DOCK10: variants seen among roughly 807,000 people sequenced by gnomAD.
DOCK10 encodes dedicator of cytokinesis 10.
A neutral mutation model predicts 280.1 loss-of-function variants in DOCK10; 145 were observed. The observed-to-expected ratio is 0.52, with a 90% CI of 0.45 to 0.59. The LOEUF (loss-of-function observed/expected upper bound fraction) is 0.59. DOCK10 is among the 20% of genes least tolerant of loss of function. DOCK10 has a pLI of 0.00. For synonymous variants in DOCK10, 915 were observed against 942.2 expected, an observed-to-expected ratio of 0.97 and a Z score of 0.53; for missense variants, 2,368 against 2,651.7, an observed-to-expected ratio of 0.89 and a Z score of 2.35.
At chr2:224,809,734 A>G (rs1693636477) in intron 31 of DOCK10, among the ~76,000 whole-genome samples, 1 of 152,100 alleles carries the variant, frequency 6.6e-6, no homozygotes, top group Non-Finnish European at 1.5e-5. Context: ...AGAAAAGGGA[A>G]TCCTTGTACA....
intron 1 of DOCK10, among the ~76,000 whole-genome samples, chr2:225,034,538 C>G (rs1350811108): frequency 2.0e-5 from 3 of 152,156 alleles, no homozygotes; most frequent in African/African-American, 7.2e-5. Context: ...ACAACCTGGA[C>G]ATTTAAAAGT....
chr2:224,896,815 A>G (rs1202925744), intron 3 of DOCK10, among the ~76,000 whole-genome samples: 1 of 152,252 alleles, frequency 6.6e-6, no homozygotes, highest in African/African-American at 2.4e-5. Flanking sequence ...TGTGAAAGCT[A>G]GCAACTTAAA....
At chr2:224,997,589 T>C (rs1478091436) in intron 1 of DOCK10, among the ~76,000 whole-genome samples, 2 of 152,150 alleles carry the variant, frequency 1.3e-5, no homozygotes, top group Non-Finnish European at 2.9e-5. Flanking sequence ...TGATCTTTGC[T>C]GCCCTCCTCT....
At chr2:224,992,497 G>T (rs1457574288) in intron 1 of DOCK10, among the ~76,000 whole-genome samples, 1 of 152,240 alleles carries the variant, frequency 6.6e-6, no homozygotes, top group Non-Finnish European at 1.5e-5. Context: ...GGTTTTGAAA[G>T]GAAACAGGGA....
rs138529327 is a variant in DOCK10 at position 224,842,001 on chromosome 2, C to T, written c.2569-105G>A. 3,048 of 796,748 alleles carry T rather than the reference C, an allele frequency of 3.8e-3. 11 individuals are homozygous for T. The highest frequency in any genetic ancestry group is 5.2e-3 in the Non-Finnish European group (2,441 of 471,862). 49.4% of individuals were successfully genotyped at this position (796,748 alleles called of 1,614,324 possible). ...AAGCATTTCTGTAGGATTGATGCCTCGAAGTGCAAATGCTTTATTAAGGAG... is the reference window on the plus strand; with the variant it reads ...AAGCATTTCTGTAGGATTGATGCCTTGAAGTGCAAATGCTTTATTAAGGAG... On this transcript the variant is annotated intron_variant, in intron 22 of 55. Transcript: ENST00000258390.
intron 24 of DOCK10, among the ~76,000 whole-genome samples, 179 bp downstream of exon 24, chr2:224,839,775 C>G (rs921205226): frequency 6.6e-6 from 1 of 152,138 alleles, no homozygotes; most frequent in Admixed American, 6.5e-5. Flanking sequence ...AGGTCTAACA[C>G]TTTACTACTA....
intron 50 of DOCK10, among the ~76,000 whole-genome samples, chr2:224,779,913 A>T (rs1416474241): frequency 6.6e-6 from 1 of 152,088 alleles, no homozygotes; most frequent in Non-Finnish European, 1.5e-5. Context: ...TGGGCTTTCT[A>T]AAGGTGGGAA....
intron 25 of DOCK10, among the ~76,000 whole-genome samples, chr2:224,834,998 C>T (rs180759721): frequency 5.7e-4 from 87 of 152,306 alleles, no homozygotes; most frequent in Non-Finnish European, 8.8e-4. Context: ...ATAATTTTCA[C>T]AATTCGGATT....
In DOCK10 at chr2:224,770,541, T is replaced by C. The variant is rs1344777266; in HGVS notation, c.6305+4A>G. 32 of 1,611,886 alleles carry C rather than the reference T, an allele frequency of 2.0e-5. No homozygotes were observed. The highest frequency in any genetic ancestry group is 2.7e-5 in the Non-Finnish European group (32 of 1,178,030). On this transcript the variant is annotated splice_donor_region_variant and intron_variant, in intron 54 of 55. Transcript: ENST00000258390. The surrounding 1 kb of genome is among the most constrained non-coding windows in gnomAD (Gnocchi z 4.5). ...GAAGAACATCCCAACAGCGAGAAGC[T>C]TACCTGAAGATCTCCTTCAAAAGCT...
chr2:224,831,313 T>C (rs565161819), intron 26 of DOCK10, among the ~76,000 whole-genome samples: 5 of 152,344 alleles, frequency 3.3e-5, no homozygotes, highest in African/African-American at 1.2e-4. Flanking sequence ...GAAGGTCATA[T>C]GTCTAGATAT....
rs148163803 is a variant in DOCK10 at position 224,791,218 on chromosome 2, C to T, written c.5311+1756G>A. Among the ~76,000 whole-genome samples the T allele has an allele frequency of 4.9e-4, 75 of 152,170 alleles. 2 individuals carry two copies. The highest frequency in any genetic ancestry group is 1.7e-3 in the African/African-American group (71 of 41,500). On this transcript the variant is annotated intron_variant, in intron 47 of 55. Coordinates refer to ENST00000258390, the MANE Select transcript of DOCK10 (RefSeq NM_014689.3). The stretch of plus-strand genomic sequence containing the variant: ...ATTTGAAAGTCTTTATGGAACGTTA[C>T]GGCATCTGGTTATGATAAGCAATAG...
chr2:224,895,832 C>T (rs2396150), intron 4 of DOCK10, among the ~76,000 whole-genome samples: 6,032 of 86,766 alleles, frequency 0.07, 309 homozygotes, highest in African/African-American at 0.28. Context: ...TGTGTGTGTG[C>T]GTGTGTGTGT....
intron 3 of DOCK10, among the ~76,000 whole-genome samples, chr2:224,909,963 AAAAAG>A (rs1326075959): frequency 2.6e-5 from 4 of 152,218 alleles, no homozygotes; most frequent in Admixed American, 1.3e-4. Flanking sequence ...GAAGATTAAA[AAAAAG>A]AAAAGAATGC....
intron 50 of DOCK10, among the ~76,000 whole-genome samples, chr2:224,785,647 A>C (rs1470284445): frequency 6.6e-6 from 1 of 151,772 alleles, no homozygotes; most frequent in East Asian, 2.0e-4. Context: ...CACCCGGCTA[A>C]TTTTTTGTAT....
rs1322455236 is a variant in DOCK10, at chr2:224,804,788, T to G, written c.4166+6A>C. The G allele has an allele frequency of 6.7e-7, 1 of 1,498,714 alleles. No homozygotes were observed. Among genetic ancestry groups the G allele is most frequent in the African/African-American group, 1.4e-5 (1 of 70,416 alleles). 92.8% of individuals were successfully genotyped at this position (1,498,714 alleles called of 1,614,324 possible). On this transcript the variant is annotated splice_donor_region_variant and intron_variant, in intron 38 of 55. Coordinates refer to ENST00000258390, the MANE Select transcript of DOCK10 (RefSeq NM_014689.3). ...AGATTAACCTATTGGAATTTAAAAT[T>G]AGTACCTTATTATGTTGCGTTTTCC...
At chr2:224,942,363 G>C (rs959539009) in intron 1 of DOCK10, among the ~76,000 whole-genome samples, 4 of 152,162 alleles carry the variant, frequency 2.6e-5, no homozygotes, top group African/African-American at 9.7e-5. Flanking sequence ...ACATCCCCCG[G>C]TTACTCCTGC....
At chr2:225,035,552 ATATATATATAT>A (rs1690210684) in intron 1 of DOCK10, among the ~76,000 whole-genome samples, 1 of 20,876 alleles carries the variant, frequency 4.8e-5, no homozygotes, top group African/African-American at 1.9e-4. Context: ...TTATATATAT[ATATATATATAT>A]ATATATATAT....
chr2:224,956,546 C>T (rs1004604889), intron 1 of DOCK10, among the ~76,000 whole-genome samples: 1 of 148,762 alleles, frequency 6.7e-6, no homozygotes, highest in Non-Finnish European at 1.5e-5. Flanking sequence ...ATCACTTGAA[C>T]CTCGGAGGTG....
chr2:224,871,946 G>T (rs1698314595), intron 11 of DOCK10, among the ~76,000 whole-genome samples: 1 of 152,132 alleles, frequency 6.6e-6, no homozygotes, highest in African/African-American at 2.4e-5. Flanking sequence ...CAAGACACTA[G>T]GGACCTTGCT....
Sources: allele counts gnomAD v4.1 joint callset (sites outside exome capture counted in the v4.1 genomes callset), GRCh38; gene constraint gnomAD v4.1.1; non-coding constraint Gnocchi (gnomAD v3.1); transcripts MANE v1.5; gene names NCBI Gene and HGNC (gene_info 2026-07-23, HGNC 2026-07-21).